The following NRG3 variants were observed in gnomAD, a reference collection of about 807,000 sequenced individuals.
NRG3 encodes the protein neuregulin 3.
A neutral mutation model predicts 66.9 loss-of-function variants in NRG3; 31 were observed. That is an observed-to-expected ratio of 0.46 (90% CI 0.35 to 0.63). NRG3 has a LOEUF of 0.63. Among genes scored for constraint, NRG3 ranks in the 20% least tolerant of loss-of-function variants. The probability of loss-of-function intolerance (pLI) is 0.00; values close to 1 mark genes in which losing one functional copy is unlikely to be tolerated. For missense variants in NRG3, 910 were observed against 878.9 expected (o/e 1.04, Z -0.45); for synonymous variants, 393 against 359.4 (o/e 1.09, Z -1.06).
At chr10:82,435,677 T>C (rs1166910777) in intron 2 of NRG3, among the ~76,000 whole-genome samples, 1 of 152,122 alleles carries the variant, frequency 6.6e-6, no homozygotes, top group Non-Finnish European at 1.5e-5. Flanking sequence ...AAAGAACTTC[T>C]TGATTTCTGC....
chr10:81,937,048 C>T (rs1589521537), intron 1 of NRG3, among the ~76,000 whole-genome samples: 1 of 152,228 alleles, frequency 6.6e-6, no homozygotes, highest in South Asian at 2.1e-4. Flanking sequence ...CTGTGGCTGG[C>T]TTATTTCGCT....
At chr10:81,891,956 G>C (rs913643287) in intron 1 of NRG3, among the ~76,000 whole-genome samples, 8 of 152,060 alleles carry the variant, frequency 5.3e-5, no homozygotes, top group Admixed American at 5.2e-4. Context: ...CCTCTGTCTC[G>C]CTCTGTCCAC....
chr10:82,170,175 G>C (rs1345256017), intron 1 of NRG3, among the ~76,000 whole-genome samples: 1 of 151,950 alleles, frequency 6.6e-6, no homozygotes, highest in Non-Finnish European at 1.5e-5. Context: ...CAACAGAATA[G>C]ACCATTCTAA....
chr10:82,884,397 A>G (rs1842561620), intron 4 of NRG3, among the ~76,000 whole-genome samples: 1 of 152,184 alleles, frequency 6.6e-6, no homozygotes. Context: ...CATATTGAGG[A>G]AATAAAGTTT....
At chr10:82,346,017 C>A (rs1305479769) in intron 1 of NRG3, among the ~76,000 whole-genome samples, 34 of 152,028 alleles carry the variant, frequency 2.2e-4, no homozygotes, top group Non-Finnish European at 4.7e-4. Flanking sequence ...CAAACAGGGA[C>A]AATTTGATTT....
At chr10:82,699,190 C>G (rs2055635874) in intron 2 of NRG3, among the ~76,000 whole-genome samples, 1 of 150,654 alleles carries the variant, frequency 6.6e-6, no homozygotes, top group African/African-American at 2.4e-5. Context: ...CAGGGAAGTT[C>G]CTGTTAAGAA....
intron 4 of NRG3, among the ~76,000 whole-genome samples, chr10:82,927,778 A>C (rs1418701355): frequency 1.3e-5 from 2 of 152,160 alleles, no homozygotes; most frequent in Non-Finnish European, 2.9e-5. Context: ...AGTCTTTGCT[A>C]TTGTGAACAG....
At chr10:82,932,194 T>A (rs1847642861) in intron 4 of NRG3, among the ~76,000 whole-genome samples, 1 of 152,172 alleles carries the variant, frequency 6.6e-6, no homozygotes, top group Admixed American at 6.5e-5. Flanking sequence ...CTATGGCGGC[T>A]GTTTGAAATT....
chr10:81,969,168 A>G (rs912280802), intron 1 of NRG3, among the ~76,000 whole-genome samples: 1 of 152,176 alleles, frequency 6.6e-6, no homozygotes, highest in African/African-American at 2.4e-5. Context: ...GGACCTGAAC[A>G]AAGTTTTCCT....
intron 1 of NRG3, among the ~76,000 whole-genome samples, chr10:81,898,447 C>T (rs1378668718): frequency 6.6e-6 from 1 of 152,208 alleles, no homozygotes; most frequent in Non-Finnish European, 1.5e-5. Flanking sequence ...CTGTCAGACT[C>T]AGATCCCTCT....
intron 2 of NRG3, among the ~76,000 whole-genome samples, chr10:82,523,784 A>G (rs371751698): frequency 6.6e-6 from 1 of 152,114 alleles, no homozygotes; most frequent in Non-Finnish European, 1.5e-5. Flanking sequence ...ACAAAGAAGG[A>G]CTTCTCTCAC....
At chr10:82,717,914 A>G (rs1368217465) in intron 2 of NRG3, among the ~76,000 whole-genome samples, 1 of 151,682 alleles carries the variant, frequency 6.6e-6, no homozygotes, top group Non-Finnish European at 1.5e-5. Context: ...CCTGTATGTC[A>G]AAGCCTCACA....
intron 1 of NRG3, among the ~76,000 whole-genome samples, chr10:81,943,370 A>C (rs538565092): frequency 1.3e-5 from 2 of 152,254 alleles, no homozygotes; most frequent in Middle Eastern, 3.4e-3. Flanking sequence ...TACTCTTAAA[A>C]AATAATAATA....
chr10:82,031,453 A>G (rs1192320212), intron 1 of NRG3, among the ~76,000 whole-genome samples: 1 of 152,126 alleles, frequency 6.6e-6, no homozygotes, highest in Non-Finnish European at 1.5e-5. Context: ...TACAGATAGA[A>G]ATTACTTGAT....
At chr10:82,319,774 G>T in intron 1 of NRG3, among the ~76,000 whole-genome samples, 1 of 152,182 alleles carries the variant, frequency 6.6e-6, no homozygotes, top group East Asian at 1.9e-4. Flanking sequence ...CAGAGTGGGA[G>T]GAGCTGATGG....
chr10:82,848,551 T>C (rs1241783766), intron 3 of NRG3, among the ~76,000 whole-genome samples: 1 of 152,190 alleles, frequency 6.6e-6, no homozygotes, highest in Non-Finnish European at 1.5e-5. Flanking sequence ...TGTGGACTTT[T>C]GAGTTAAGGC....
At chr10:82,361,679 A>G (rs920401461) in intron 2 of NRG3, among the ~76,000 whole-genome samples, 3 of 152,194 alleles carry the variant, frequency 2.0e-5, no homozygotes, top group African/African-American at 7.2e-5. Flanking sequence ...TTGGAGTAAG[A>G]AAAATACTTC....
chr10:82,575,960 A>G (rs1474857276), intron 2 of NRG3, among the ~76,000 whole-genome samples: 1 of 151,732 alleles, frequency 6.6e-6, no homozygotes, highest in Non-Finnish European at 1.5e-5. Context: ...AGTAAGGAGG[A>G]TCAAAAAAAT....
chr10:82,976,638 T>G (rs1180698329), intron 7 of NRG3, among the ~76,000 whole-genome samples: 1 of 152,200 alleles, frequency 6.6e-6, no homozygotes, highest in Non-Finnish European at 1.5e-5. Flanking sequence ...TTTCTACCTT[T>G]TTTGTTTTCT....
Sources: allele counts gnomAD v4.1 joint callset (sites outside exome capture counted in the v4.1 genomes callset), GRCh38; gene constraint gnomAD v4.1.1; transcripts MANE v1.5; gene names NCBI Gene and HGNC (gene_info 2026-07-23, HGNC 2026-07-21).